TTC21B: variants seen among roughly 807,000 people sequenced by gnomAD.
TTC21B encodes the protein tetratricopeptide repeat domain 21B, also known as tetratricopeptide repeat protein 21B.
In TTC21B, 127 loss-of-function variants were observed where a neutral mutation model predicts 175.1. The ratio of observed to expected loss-of-function variants is 0.73; its 90% CI spans 0.63 to 0.84. TTC21B has a LOEUF of 0.84. Ranked by LOEUF, TTC21B falls within the 40% of genes least tolerant of loss-of-function variation. The probability of loss-of-function intolerance (pLI) is 0.00; values close to 1 mark genes in which losing one functional copy is unlikely to be tolerated. For missense variants in TTC21B, 1,561 were observed against 1,558.3 expected (o/e 1.00, Z -0.03); for synonymous variants, 524 against 524.5 (o/e 1.00, Z 0.01).
At chr2:165,946,296 G>A (rs548441443) in intron 3 of TTC21B, among the ~76,000 whole-genome samples, 2 of 151,758 alleles carry the variant, frequency 1.3e-5, no homozygotes, top group South Asian at 4.2e-4. Context: ...CAGAGATCGC[G>A]CCACTGCACT....
Position 165,883,813 on chromosome 2 carries a change from C to T in TTC21B, c.3665G>A (p.Arg1222Gln), listed in dbSNP as rs3749031. The stretch of plus-strand genomic sequence containing the variant: ...ACCTACTCTATTATGACGCAGGCAC[C>T]GTTTTAACAGGTCTTCTGCCATGTC... ...KYDMAEDLLKRCLRHNRSCCK... is the reference protein window; with the variant it reads ...KYDMAEDLLKQCLRHNRSCCK... Residue 1222 changes from arginine (R) to glutamine (Q), a missense_variant, in exon 26 of 29, where the codon CGG becomes CAG. Arg to Gln is a conservative substitution (Grantham distance 43). Transcript: ENST00000243344. 1.2e-5 allele frequency: 20 copies of T among 1,613,684 alleles called. No individual in the cohort carries two copies. In the East Asian group the frequency reaches 2.0e-4, roughly 16 times the overall value.
At chr2:165,881,094 T>C (rs1029952411) in intron 26 of TTC21B, among the ~76,000 whole-genome samples, 7 of 152,140 alleles carry the variant, frequency 4.6e-5, no homozygotes, top group African/African-American at 1.4e-4. Context: ...TTTAAACACA[T>C]ACAAATACAG....
At chr2:165,924,740 A>G in intron 11 of TTC21B, 62 bp from the exon 12 acceptor site, 1 of 1,524,728 alleles carries the variant, frequency 6.6e-7, no homozygotes, top group South Asian at 1.2e-5. Context: ...CCTAAAATAA[A>G]CATATATTAA....
chr2:165,926,928 C>T (rs1686650244), intron 11 of TTC21B, among the ~76,000 whole-genome samples: 1 of 140,698 alleles, frequency 7.1e-6, no homozygotes, highest in Non-Finnish European at 1.5e-5. Context: ...ACACTGTGAT[C>T]GTGTGAGTTA....
intron 11 of TTC21B, among the ~76,000 whole-genome samples, chr2:165,928,081 G>A (rs1686742677): frequency 6.6e-6 from 1 of 152,126 alleles, no homozygotes; most frequent in African/African-American, 2.4e-5. Context: ...ACAACATAGG[G>A]TTTCATCTTC....
intron 6 of TTC21B, among the ~76,000 whole-genome samples, chr2:165,939,884 G>A (rs918058806): frequency 2.0e-5 from 3 of 152,142 alleles, no homozygotes; most frequent in Non-Finnish European, 2.9e-5. Context: ...TTTGAATCCT[G>A]ACTCCACCAC....
chr2:165,949,995 G>T, intron 1 of TTC21B: 1 of 252,866 alleles, frequency 4.0e-6, no homozygotes, highest in Non-Finnish European at 7.5e-6. Context: ...AAATGAGGCT[G>T]CTTTCACCTT....
At chr2:165,914,682 T>TGTGTGTGCGCGCGTGTGTGCGCGCGCGC (rs1553511380) in intron 15 of TTC21B, among the ~76,000 whole-genome samples, 3 of 149,760 alleles carry the variant, frequency 2.0e-5, no homozygotes, top group African/African-American at 7.5e-5. Flanking sequence ...TGTGTGTGTG[T>TGTGTGTGCGCGCGTGTGTGCGCGCGCGC]GTGTGTGTGT....
chr2:165,929,591 A>T (rs2105343597), intron 10 of TTC21B, 59 bp downstream of exon 10: 3 of 1,245,168 alleles, frequency 2.4e-6, no homozygotes, highest in Non-Finnish European at 3.5e-6. Flanking sequence ...AGACTGATTA[A>T]TAATTTCATA....
At chr2:165,900,546 T>C (rs1685525136) in intron 20 of TTC21B, among the ~76,000 whole-genome samples, 1 of 152,228 alleles carries the variant, frequency 6.6e-6, no homozygotes. Flanking sequence ...GTCATGTATG[T>C]AAATGTGCTA....
intron 27 of TTC21B, among the ~76,000 whole-genome samples, chr2:165,877,446 T>G (rs1302688471): frequency 6.6e-6 from 1 of 152,166 alleles, no homozygotes; most frequent in East Asian, 1.9e-4. Context: ...TATACTGTAT[T>G]TTTGCTGTAC....
intron 22 of TTC21B, among the ~76,000 whole-genome samples, chr2:165,891,872 A>G (rs1014889180): frequency 1.3e-5 from 2 of 152,082 alleles, no homozygotes; most frequent in African/African-American, 4.8e-5. Flanking sequence ...ATATTTGAAA[A>G]CCAACCTATA....
At chr2:165,891,444 A>G (rs1452259117) in intron 22 of TTC21B, among the ~76,000 whole-genome samples, 1 of 152,158 alleles carries the variant, frequency 6.6e-6, no homozygotes, top group Non-Finnish European at 1.5e-5. Flanking sequence ...GGGATGGACA[A>G]TAAGAAATTT....
intron 20 of TTC21B, 124 bp from the exon 21 acceptor site, chr2:165,900,004 T>G: frequency 4.0e-5 from 4 of 99,030 alleles, no homozygotes; most frequent in South Asian, 1.0e-4. Flanking sequence ...CCAAGTATAA[T>G]AGACAAAAAA....
intron 27 of TTC21B, among the ~76,000 whole-genome samples, chr2:165,878,097 T>G (rs1684726862): frequency 6.6e-6 from 1 of 152,210 alleles, no homozygotes; most frequent in East Asian, 1.9e-4. Context: ...ACTCTTAGTA[T>G]AATTTTAAAA....
At position 165,917,814 on chromosome 2, in the gene TTC21B, T is replaced by G. The variant is rs561464201; in HGVS notation, c.1675-333A>C. ...TTTTCAGGAAAAGAATTTCTTTATC[T>G]GGCACTTCTACAACTGATATGAAGT... On this transcript the variant is annotated intron_variant, in intron 13 of 28. Coordinates refer to ENST00000243344, the MANE Select transcript of TTC21B (RefSeq NM_024753.5). Among the ~76,000 whole-genome samples the G allele has an allele frequency of 8.5e-5, 13 of 152,352 alleles. No individual in the cohort carries two copies. The South Asian group carries it at 2.7e-3, about 32-fold the overall frequency.
intron 6 of TTC21B, 63 bp from the exon 7 acceptor site, chr2:165,933,120 A>G: frequency 6.6e-7 from 1 of 1,506,832 alleles, no homozygotes; most frequent in Non-Finnish European, 9.1e-7. Context: ...ATTCGAGGGC[A>G]TGAAAAGTTG....
intron 1 of TTC21B, among the ~76,000 whole-genome samples, chr2:165,951,686 C>A (rs1174325695): frequency 1.3e-5 from 2 of 152,304 alleles, no homozygotes; most frequent in East Asian, 3.9e-4. Flanking sequence ...TGACTGCCTA[C>A]TAGTACCCAG....
At chr2:165,943,153 G>A (rs1370552132) in intron 5 of TTC21B, 66 bp downstream of exon 5, 2 of 1,552,714 alleles carry the variant, frequency 1.3e-6, no homozygotes, top group East Asian at 4.5e-5. Flanking sequence ...ACTTGGTTTT[G>A]TCAGGTTTCA....
Sources: allele counts gnomAD v4.1 joint callset (sites outside exome capture counted in the v4.1 genomes callset), GRCh38; gene constraint gnomAD v4.1.1; transcripts MANE v1.5; gene names NCBI Gene and HGNC (gene_info 2026-07-23, HGNC 2026-07-21).